The following SMG1 variants were observed in gnomAD, a reference collection of about 807,000 sequenced individuals.
The protein encoded by SMG1 is serine/threonine-protein kinase SMG1.
A neutral mutation model predicts 419.9 loss-of-function variants in SMG1; 22 were observed. The observed-to-expected ratio is 0.05, with a 90% confidence interval of 0.04 to 0.07. The LOEUF is 0.07. Among genes scored for constraint, SMG1 ranks in the 10% least tolerant of loss-of-function variants. The pLI is 1.00. For synonymous variants in SMG1, 1,538 were observed against 1,553.5 expected, an observed-to-expected ratio of 0.99 and a Z score of 0.23; for missense variants, 3,185 against 4,342.0, an observed-to-expected ratio of 0.73 and a Z score of 7.49.
rs571298056 is a variant in SMG1, at chr16:18,926,349, G to A, written c.-308C>T. On this transcript the variant is annotated 5_prime_UTR_variant, in exon 1 of 63. Transcript: ENST00000446231. Reference sequence around the variant, plus strand: ...CGCGGCCCACGTCGCCGGGGCCCCGGAGGACGAGGACGACGAGGAGCAGGC... The same window carrying A: ...CGCGGCCCACGTCGCCGGGGCCCCGAAGGACGAGGACGACGAGGAGCAGGC... 2,232 of 343,206 alleles carry A rather than the reference G, an allele frequency of 6.5e-3. 64 individuals are homozygous for A. Among genetic ancestry groups the A allele is most frequent in the African/African-American group, 0.044 (2,057 of 46,432 alleles). The allele number at this position is 343,206 out of a possible 1,614,324, so 21.3% of individuals were successfully genotyped here. A position where few individuals can be genotyped will look rare whatever the true frequency, so the allele number is the denominator to read the frequency against.
intron 39 of SMG1, among the ~76,000 whole-genome samples, chr16:18,843,249 A>G (rs2034027453): frequency 6.6e-6 from 1 of 152,240 alleles, no homozygotes; most frequent in Non-Finnish European, 1.5e-5. Flanking sequence ...ATCAAACTGG[A>G]GTAGAGGAAA....
chr16:18,820,968 T>A (rs1411088217), intron 55 of SMG1, among the ~76,000 whole-genome samples: 1 of 152,176 alleles, frequency 6.6e-6, no homozygotes, highest in Non-Finnish European at 1.5e-5. Flanking sequence ...GTACATAGCT[T>A]TCAATATCCA....
chr16:18,839,624 C>T (rs768126653), intron 42 of SMG1, 74 bp downstream of exon 42: 2 of 1,574,604 alleles, frequency 1.3e-6, no homozygotes, highest in Non-Finnish European at 1.7e-6. Flanking sequence ...GGAAGGAGGA[C>T]AAACAAGATA....
chr16:18,884,985 A>C, intron 8 of SMG1, 105 bp downstream of exon 8: 1 of 649,042 alleles, frequency 1.5e-6, no homozygotes. Flanking sequence ...TCTCTGAATT[A>C]GTTTTCTTGC....
chr16:18,830,489 T>C lies in SMG1; in HGVS notation c.8793-120A>G, dbSNP rs866601851. The C allele has an allele frequency of 4.5e-5, 52 of 1,165,650 alleles. No individual in the cohort carries two copies. In the Middle Eastern group the frequency reaches 8.3e-4, roughly 19 times the overall value. The allele number at this position is 1,165,650 out of a possible 1,614,324, so 72.2% of individuals were successfully genotyped here. The stretch of plus-strand genomic sequence containing the variant: ...GAGAGTCTAGAAAGCCTTCTGGCAT[T>C]AAGAAGAAGTGTTATTAGGCCGGGC... On this transcript the variant is annotated intron_variant, in intron 51 of 62. Transcript: ENST00000446231.
chr16:18,866,560 G>A (rs1489654730), intron 23 of SMG1, 61 bp downstream of exon 23: 2 of 1,462,818 alleles, frequency 1.4e-6, no homozygotes, highest in Admixed American at 1.7e-5. Context: ...ATGTCAGTGA[G>A]TAATACACAG....
chr16:18,883,390 T>C lies in SMG1; in HGVS notation c.1119+680A>G, dbSNP rs544047664. 2.6e-5 allele frequency among the ~76,000 whole-genome samples: 4 copies of C among 152,358 alleles called. No homozygotes were observed. In the South Asian group the frequency reaches 8.3e-4, roughly 32 times the overall value. On this transcript the variant is annotated intron_variant, in intron 9 of 62. Coordinates refer to ENST00000446231, the MANE Select transcript of SMG1 (RefSeq NM_015092.5). ...CGATTCAAGATCTCCTGTACATATG[T>C]AAGAGGAAAATCTTTAGGGGCTTTT... is the stretch of plus-strand genomic sequence containing the variant.
intron 22 of SMG1, among the ~76,000 whole-genome samples, chr16:18,867,855 C>G (rs1187088171): frequency 4.0e-5 from 6 of 151,816 alleles, no homozygotes; most frequent in Non-Finnish European, 8.8e-5. Context: ...ACTACAGGCG[C>G]CTGCCACCAC....
chr16:18,813,801 A>C (rs994421279), intron 60 of SMG1, among the ~76,000 whole-genome samples: 4 of 152,082 alleles, frequency 2.6e-5, no homozygotes, highest in African/African-American at 7.2e-5. Flanking sequence ...TTTAGGTCTA[A>C]CATTTAAGTC....
At chr16:18,880,733 C>T (rs1199801087) in intron 10 of SMG1, among the ~76,000 whole-genome samples, 3 of 79,464 alleles carry the variant, frequency 3.8e-5, no homozygotes, top group Admixed American at 1.4e-4. Flanking sequence ...GGGGGGGGCG[C>T]GGAGGGGGAA....
intron 1 of SMG1, chr16:18,911,539 C>T (rs2037793258): frequency 6.6e-6 from 1 of 152,098 alleles, no homozygotes; most frequent in East Asian, 1.9e-4. Flanking sequence ...GAGAGCCACT[C>T]CACTGCGGAG....
chr16:18,877,410 T>C (rs923568447), intron 11 of SMG1, 178 bp from the exon 12 acceptor site: 55 of 457,868 alleles, frequency 1.2e-4, no homozygotes, highest in African/African-American at 8.2e-4. Context: ...AGATCAGGGA[T>C]TGCCATGGGC....
chr16:18,873,350 G>A (rs141100076), intron 13 of SMG1, among the ~76,000 whole-genome samples: 5,177 of 152,168 alleles, frequency 0.034, 294 homozygotes, highest in African/African-American at 0.12. Context: ...TTCCCAAGTA[G>A]CTGGGATTAC....
chr16:18,887,360 G>GT (rs1216926235), intron 6 of SMG1, among the ~76,000 whole-genome samples: 3 of 151,516 alleles, frequency 2.0e-5, no homozygotes, highest in South Asian at 4.2e-4. Flanking sequence ...GTTTTGTTTT[G>GT]TTTTTTTGAG....
intron 55 of SMG1, among the ~76,000 whole-genome samples, chr16:18,821,266 T>A (rs1320757708): frequency 2.9e-5 from 1 of 34,018 alleles, no homozygotes; most frequent in Non-Finnish European, 7.6e-5. Flanking sequence ...TTTTTTTTTT[T>A]ATTATACTCT....
intron 25 of SMG1, chr16:18,860,981 CA>C (rs1283455425): frequency 2.2e-6 from 1 of 448,920 alleles, no homozygotes; most frequent in Non-Finnish European, 4.0e-6. Flanking sequence ...ATTGGAGTGG[CA>C]AACCAGAAAG....
intron 1 of SMG1, among the ~76,000 whole-genome samples, chr16:18,918,759 G>C (rs1308574498): frequency 6.6e-6 from 1 of 152,186 alleles, no homozygotes; most frequent in Non-Finnish European, 1.5e-5. Flanking sequence ...ATGTTGGCCT[G>C]TAACCCCAGC....
At chr16:18,809,997 TG>T (rs1252755838) in intron 62 of SMG1, among the ~76,000 whole-genome samples, 1 of 151,932 alleles carries the variant, frequency 6.6e-6, no homozygotes, top group Non-Finnish European at 1.5e-5. Context: ...AAAAAATTCT[TG>T]CCCAAGAAGA....
chr16:18,923,682 A>G (rs1394139244), intron 1 of SMG1, among the ~76,000 whole-genome samples: 2 of 151,434 alleles, frequency 1.3e-5, no homozygotes, highest in Admixed American at 6.6e-5. Context: ...GAACCAAAAC[A>G]CCAGGGACAA....
Sources: gnomAD v4.1 joint callset for allele counts (sites outside exome capture counted in the v4.1 genomes callset) on GRCh38, gnomAD v4.1.1 for gene constraint, MANE v1.5 for transcripts, NCBI Gene and HGNC (gene_info 2026-07-23, HGNC 2026-07-21) for gene names.